USH2A: variants seen among roughly 807,000 people sequenced by gnomAD.
USH2A encodes usherin.
USH2A carries 443 observed loss-of-function variants against 538.9 expected under a neutral mutation model. That is an observed-to-expected ratio of 0.82 (90% CI 0.76 to 0.89). The LOEUF (loss-of-function observed/expected upper bound fraction) is 0.89. USH2A is among the 40% of genes least tolerant of loss of function. The probability of loss-of-function intolerance (pLI) is 0.00; values close to 1 mark genes in which losing one functional copy is unlikely to be tolerated. For missense variants in USH2A, 6,633 were observed against 6,324.8 expected (o/e 1.05, Z -1.65); for synonymous variants, 2,413 against 2,273.5 (o/e 1.06, Z -1.75).
At chr1:216,061,435 C>T (rs1486411541) in intron 30 of USH2A, among the ~76,000 whole-genome samples, 2 of 151,780 alleles carry the variant, frequency 1.3e-5, no homozygotes, top group South Asian at 2.1e-4. Flanking sequence ...TTTTTTATTT[C>T]CTAACATTTT....
At chr1:216,154,873 T>C (rs2033906847) in intron 21 of USH2A, among the ~76,000 whole-genome samples, 1 of 150,408 alleles carries the variant, frequency 6.6e-6, no homozygotes, top group Non-Finnish European at 1.5e-5. Flanking sequence ...CTTGTGAATG[T>C]AGGCGCAATG....
Position 215,766,805 on chromosome 1 carries a change from A to G in USH2A, c.10940-17T>C. On this transcript the variant is annotated splice_polypyrimidine_tract_variant and intron_variant, in intron 55 of 71. Coordinates refer to ENST00000307340, the MANE Select transcript of USH2A (RefSeq NM_206933.4). ...GCTGGAGACCTAGAAAAAGCAAGCA[A>G]GAAATAAAGTGCACCTTAAGAGGAT... 1 of 1,603,574 alleles carries G rather than the reference A, an allele frequency of 6.2e-7. No individual in the cohort carries two copies. Among genetic ancestry groups the G allele is most frequent in the Non-Finnish European group, 8.5e-7 (1 of 1,170,508 alleles).
intron 9 of USH2A, among the ~76,000 whole-genome samples, chr1:216,316,876 C>T (rs1437423529): frequency 6.6e-6 from 1 of 152,056 alleles, no homozygotes; most frequent in Non-Finnish European, 1.5e-5. Context: ...CATTAATGTC[C>T]TCCCCTGGCA....
chr1:216,236,447 T>G (rs1025366656), intron 13 of USH2A, among the ~76,000 whole-genome samples: 1 of 152,190 alleles, frequency 6.6e-6, no homozygotes, highest in East Asian at 1.9e-4. Flanking sequence ...CTTAGTATAT[T>G]TGTGATTGTA....
chr1:215,890,440 C>T (rs187581146), intron 40 of USH2A, among the ~76,000 whole-genome samples: 3 of 152,242 alleles, frequency 2.0e-5, no homozygotes, highest in African/African-American at 7.2e-5. Context: ...ACGTATTTGT[C>T]ACCAACTGGA....
At chr1:215,669,883 G>A (rs571910270) in intron 64 of USH2A, among the ~76,000 whole-genome samples, 16 of 152,110 alleles carry the variant, frequency 1.1e-4, no homozygotes, top group African/African-American at 3.6e-4. Flanking sequence ...TATCTTTTTG[G>A]TGACTTATTA....
At chr1:215,866,476 C>T (rs1664472796) in intron 44 of USH2A, among the ~76,000 whole-genome samples, 1 of 152,142 alleles carries the variant, frequency 6.6e-6, no homozygotes, top group Admixed American at 6.5e-5. Flanking sequence ...CTGGATCAAG[C>T]TGGAATTCTG....
intron 61 of USH2A, among the ~76,000 whole-genome samples, chr1:215,683,933 A>G (rs1658328955): frequency 1.3e-5 from 2 of 151,578 alleles, no homozygotes; most frequent in African/African-American, 4.9e-5. Flanking sequence ...TGTTCATTCT[A>G]TGTCCACGTC....
chr1:216,043,174 G>A (rs550865035), intron 32 of USH2A, among the ~76,000 whole-genome samples: 1 of 152,012 alleles, frequency 6.6e-6, no homozygotes, highest in East Asian at 1.9e-4. Flanking sequence ...CAGAGGATTT[G>A]GGGCCAGACA....
intron 3 of USH2A, among the ~76,000 whole-genome samples, chr1:216,380,702 C>T (rs1025896933): frequency 6.6e-6 from 1 of 152,106 alleles, no homozygotes. Flanking sequence ...CTAGAAGAGA[C>T]TGTAAAGTAC....
chr1:216,347,138 C>T (rs2038192117), intron 4 of USH2A, among the ~76,000 whole-genome samples: 1 of 151,864 alleles, frequency 6.6e-6, no homozygotes, highest in Non-Finnish European at 1.5e-5. Flanking sequence ...TTCAATTTAC[C>T]TACTTTGGAG....
chr1:215,908,357 C>A (rs1665691008), intron 38 of USH2A, among the ~76,000 whole-genome samples: 1 of 151,886 alleles, frequency 6.6e-6, no homozygotes, highest in Admixed American at 6.6e-5. Context: ...GAGCACTTAA[C>A]AAATTTTGAG....
chr1:216,105,504 T>C lies in USH2A; in HGVS notation c.4628-8291A>G, dbSNP rs575879094. Among the ~76,000 whole-genome samples, 66 of 152,234 alleles carry C rather than the reference T, an allele frequency of 4.3e-4. No individual in the cohort carries two copies. The South Asian group carries it at 5.2e-3, about 12-fold the overall frequency. ...CTGATTAATTTGCCAGTACAAATACTATGAAGTCTTAATTATTATGGCTTT... is the reference window on the plus strand; with the variant it reads ...CTGATTAATTTGCCAGTACAAATACCATGAAGTCTTAATTATTATGGCTTT... On this transcript the variant is annotated intron_variant, in intron 21 of 71. Transcript: ENST00000307340.
intron 47 of USH2A, among the ~76,000 whole-genome samples, chr1:215,836,466 ATATATATATATATAATATATAT>A (rs1663491556): frequency 2.3e-4 from 2 of 8,724 alleles, no homozygotes; most frequent in African/African-American, 8.8e-4. Flanking sequence ...TATATATATT[ATATATATATATATAATATATAT>A]TATATATATA....
At position 216,323,633 on chromosome 1, in the gene USH2A, C is replaced by G. The variant is rs771000800; in HGVS notation, c.1391G>C (p.Arg464Pro). The change falls in exon 8 of 72, where the codon CGT becomes CCT. Residue 464 changes from arginine (R) to proline (P), a missense_variant. By Grantham distance (103) the Arg-to-Pro change is moderately radical. Transcript: ENST00000307340. The part of the protein sequence containing the change: ...FSILTPGPNY[R>P]PGYNNFYNTP... ...ATTATAGAAGTTATTGTATCCAGGA[C>G]GATAATTTGGTCCAGGTGTCAGGAT... 6.2e-7 allele frequency: 1 copy of G among 1,613,360 alleles called. No individual in the cohort carries two copies. The highest frequency in any genetic ancestry group is 8.5e-7 in the Non-Finnish European group (1 of 1,179,700).
At chr1:216,238,167 A>T (rs2035866422) in intron 13 of USH2A, among the ~76,000 whole-genome samples, 1 of 152,222 alleles carries the variant, frequency 6.6e-6, no homozygotes, top group Non-Finnish European at 1.5e-5. Flanking sequence ...CCAAAAGTAA[A>T]TACTAGGGGG....
At position 216,301,489 on chromosome 1, in the gene USH2A, C is replaced by A. The variant is rs149675347; in HGVS notation, c.1645-9119G>T. Reference sequence around the variant, plus strand: ...CTTCTAATCTCCATGTTTATACTGGCTTCAGGGACCGAAAATAGTATTCGA... The same window carrying A: ...CTTCTAATCTCCATGTTTATACTGGATTCAGGGACCGAAAATAGTATTCGA... On this transcript the variant is annotated intron_variant, in intron 9 of 71. Coordinates refer to ENST00000307340, the MANE Select transcript of USH2A (RefSeq NM_206933.4). Among the ~76,000 whole-genome samples the A allele has an allele frequency of 8.5e-5, 13 of 152,304 alleles. No homozygotes were observed. In the East Asian group the frequency reaches 2.5e-3, roughly 29 times the overall value.
At chr1:215,989,459 A>G (rs1667954441) in intron 35 of USH2A, among the ~76,000 whole-genome samples, 1 of 152,076 alleles carries the variant, frequency 6.6e-6, no homozygotes, top group South Asian at 2.1e-4. Flanking sequence ...TTCCCCGAGG[A>G]CTCTGATATC....
intron 45 of USH2A, 108 bp downstream of exon 45, chr1:215,845,716 C>T: frequency 7.9e-7 from 1 of 1,267,564 alleles, no homozygotes; most frequent in South Asian, 1.3e-5. Context: ...CCCTTCCCTC[C>T]CACACCGGAA....
Sources: allele counts gnomAD v4.1 joint callset (sites outside exome capture counted in the v4.1 genomes callset), GRCh38; gene constraint gnomAD v4.1.1; transcripts MANE v1.5; gene names NCBI Gene and HGNC (gene_info 2026-07-23, HGNC 2026-07-21).